The following CCAT2 variants were observed in gnomAD, a reference collection of about 807,000 sequenced individuals.
CCAT2 encodes colon cancer associated transcript 2 (non-protein coding).
chr8:127,400,406 G>A (rs1814925398), exon 1 of CCAT2: 1 of 152,206 alleles, frequency 6.6e-6, no homozygotes, highest in Non-Finnish European at 1.5e-5. Flanking sequence ...ATTCCGAGGT[G>A]ATCAGGTGGA....
exon 1 of CCAT2, chr8:127,401,492 T>C (rs1814938460): frequency 6.6e-6 from 1 of 152,244 alleles, no homozygotes; most frequent in Non-Finnish European, 1.5e-5. Context: ...TGTACAAATG[T>C]ACAAGGAATG....
exon 1 of CCAT2, chr8:127,400,802 C>T (rs1814929506): frequency 6.6e-6 from 1 of 152,244 alleles, no homozygotes; most frequent in Admixed American, 6.5e-5. Context: ...GATTCCACTT[C>T]CACAGCCCTC....
chr8:127,401,820 C>CT (rs1327914830), exon 1 of CCAT2: 1 of 152,174 alleles, frequency 6.6e-6, no homozygotes, highest in Non-Finnish European at 1.5e-5. Context: ...CTGGTGAGAG[C>CT]TTTCTCTGGG....
chr8:127,401,065 G>A (rs1698941944), exon 1 of CCAT2: 1 of 152,216 alleles, frequency 6.6e-6, no homozygotes, highest in African/African-American at 2.4e-5. Flanking sequence ...GAAAGGCACT[G>A]AGAAAAGTAC....
At chr8:127,401,029 C>A (rs1023518312) in exon 1 of CCAT2, 2 of 152,250 alleles carry the variant, frequency 1.3e-5, no homozygotes, top group African/African-American at 2.4e-5. Flanking sequence ...AGTTAATACC[C>A]TCATCGTCCT....
chr8:127,400,672 T>C (rs948994872), exon 1 of CCAT2: 4 of 152,196 alleles, frequency 2.6e-5, no homozygotes, highest in Non-Finnish European at 4.4e-5. Flanking sequence ...TACTCTGTAA[T>C]TAACTACCTA....
chr8:127,401,887 A>C (rs1814942557), exon 1 of CCAT2: 1 of 152,238 alleles, frequency 6.6e-6, no homozygotes, highest in African/African-American at 2.4e-5. Context: ...TCTAACCATT[A>C]CAAATTGCCT....
At chr8:127,400,635 GA>G (rs1216283263) in exon 1 of CCAT2, 3 of 152,130 alleles carry the variant, frequency 2.0e-5, no homozygotes, top group Non-Finnish European at 4.4e-5. Flanking sequence ...CCTTGGACTG[GA>G]AGTCAAGAGC....
chr8:127,402,056 C>T (rs960995668), exon 1 of CCAT2: 2 of 152,196 alleles, frequency 1.3e-5, no homozygotes, highest in African/African-American at 4.8e-5. Flanking sequence ...ACAGCTGTAG[C>T]TTTTTGAATG....
At chr8:127,402,122 G>A (rs1026503307) in exon 1 of CCAT2, 1 of 152,178 alleles carries the variant, frequency 6.6e-6, no homozygotes, top group Non-Finnish European at 1.5e-5. Context: ...TCTGGGAAGA[G>A]AGCCGTGGGC....
At chr8:127,400,832 C>T (rs1269062154) in exon 1 of CCAT2, 1 of 152,206 alleles carries the variant, frequency 6.6e-6, no homozygotes, top group Non-Finnish European at 1.5e-5. Context: ...TTAGCAGCTG[C>T]ATCGCTCCAT....
At chr8:127,400,928 C>T (rs1814931151) in exon 1 of CCAT2, 1 of 152,270 alleles carries the variant, frequency 6.6e-6, no homozygotes, top group Non-Finnish European at 1.5e-5. Flanking sequence ...TGACCCTGGT[C>T]AAATTGCTTA....
exon 1 of CCAT2, chr8:127,401,360 G>T (rs1334328711): frequency 6.6e-6 from 1 of 152,128 alleles, no homozygotes; most frequent in Non-Finnish European, 1.5e-5. Context: ...AATATGTTTG[G>T]GCCTGTAGGA....
chr8:127,400,543 G>A (rs1295085030), exon 1 of CCAT2: 1 of 152,150 alleles, frequency 6.6e-6, no homozygotes, highest in African/African-American at 2.4e-5. Flanking sequence ...TAAATTGCTA[G>A]GTATGCTAAA....
At chr8:127,400,980 C>T (rs1328256081) in exon 1 of CCAT2, 2 of 152,242 alleles carry the variant, frequency 1.3e-5, no homozygotes, top group African/African-American at 4.8e-5. Context: ...AACAGAGGGA[C>T]GAATAAACTC....
exon 1 of CCAT2, chr8:127,401,372 G>A (rs1814936879): frequency 6.6e-6 from 1 of 152,198 alleles, no homozygotes; most frequent in Non-Finnish European, 1.5e-5. Context: ...CCTGTAGGAA[G>A]AGTCAAATAG....
At chr8:127,401,748 T>G (rs1814941039) in exon 1 of CCAT2, 1 of 152,220 alleles carries the variant, frequency 6.6e-6, no homozygotes, top group Non-Finnish European at 1.5e-5. Flanking sequence ...GAGGAAAACA[T>G]CCATCACCAA....
exon 1 of CCAT2, chr8:127,401,965 C>G (rs1814943143): frequency 6.6e-6 from 1 of 151,920 alleles, no homozygotes; most frequent in Non-Finnish European, 1.5e-5. Context: ...GATCCTTTAT[C>G]CCCAGATGTG....
At chr8:127,400,590 T>C (rs1194178646) in exon 1 of CCAT2, 1 of 152,196 alleles carries the variant, frequency 6.6e-6, no homozygotes, top group Non-Finnish European at 1.5e-5. Context: ...GAGGGAGGTA[T>C]CAACAGAGAC....
Sources: gnomAD v4.1 joint callset for allele counts on GRCh38, gnomAD v4.1.1 for gene constraint, MANE v1.5 for transcripts, NCBI Gene and HGNC (gene_info 2026-07-23, HGNC 2026-07-21) for gene names.